Variants in NXPE1 observed in about 807,000 individuals in gnomAD.
NXPE1 encodes neurexophilin and PC-esterase domain family member 1.
A neutral mutation model predicts 33.3 loss-of-function variants in NXPE1; 31 were observed. The observed-to-expected ratio is 0.93, with a 90% CI of 0.70 to 1.26. NXPE1 has a LOEUF of 1.26. NXPE1 is among the 50% of genes most tolerant of loss of function. The pLI is 0.00. For missense variants in NXPE1, 661 were observed against 655.6 expected (o/e 1.01, Z -0.09); for synonymous variants, 229 against 231.4 (o/e 0.99, Z 0.09).
intron 5 of NXPE1, among the ~76,000 whole-genome samples, chr11:114,544,786 G>A (rs1454179400): frequency 1.3e-5 from 2 of 152,226 alleles, no homozygotes; most frequent in Admixed American, 6.5e-5. Context: ...GCAGAGATAA[G>A]CCATAGAGTG....
chr11:114,547,417 A>G (rs369422626), intron 5 of NXPE1, among the ~76,000 whole-genome samples: 12 of 152,348 alleles, frequency 7.9e-5, no homozygotes, highest in East Asian at 7.7e-4. Context: ...AAAAACAAGG[A>G]AAGTCTAAAG....
chr11:114,533,513 G>A (rs944714904), intron 5 of NXPE1, among the ~76,000 whole-genome samples: 3 of 152,206 alleles, frequency 2.0e-5, no homozygotes, highest in East Asian at 1.9e-4. Context: ...AAGCACAAGC[G>A]GTCAGGGAAT....
At chr11:114,559,516 T>C (rs557813) in intron 1 of NXPE1, among the ~76,000 whole-genome samples, 1,906 of 152,314 alleles carry the variant, frequency 0.013, 45 homozygotes, top group African/African-American at 0.043. Context: ...CTGGGGACTT[T>C]TGCTGGTTGG....
chr11:114,550,663 A>G (rs1170801603), intron 5 of NXPE1, among the ~76,000 whole-genome samples: 1 of 152,200 alleles, frequency 6.6e-6, no homozygotes, highest in African/African-American at 2.4e-5. Context: ...TTTGAGCGGG[A>G]AAAACTTTCT....
At chr11:114,555,436 A>C (rs527987090) in intron 1 of NXPE1, among the ~76,000 whole-genome samples, 3 of 152,244 alleles carry the variant, frequency 2.0e-5, no homozygotes, top group Non-Finnish European at 4.4e-5. Context: ...CATGTTGGCC[A>C]GGATGGTCTC....
At position 114,552,887 on chromosome 11, in the gene NXPE1, A is replaced by G. The variant is rs1419493970; in HGVS notation, c.-210-7T>C. The G allele has an allele frequency of 1.0e-6, 1 of 976,812 alleles. No homozygotes were observed. Among genetic ancestry groups the G allele is most frequent in the Non-Finnish European group, 1.2e-6 (1 of 822,124 alleles). 60.5% of individuals were successfully genotyped at this position (976,812 alleles called of 1,614,324 possible). ...TCAGGTAGCACAGAATGCACTGAAA[A>G]TAAGGAGAAGCAGCAAAATTAATGA... On this transcript the variant is annotated splice_region_variant and splice_polypyrimidine_tract_variant and intron_variant, in intron 1 of 8. Coordinates refer to ENST00000534921, the Ensembl canonical transcript of NXPE1.
At chr11:114,542,727 G>A (rs1391588301) in intron 5 of NXPE1, among the ~76,000 whole-genome samples, 1 of 151,982 alleles carries the variant, frequency 6.6e-6, no homozygotes, top group African/African-American at 2.4e-5. Context: ...TTAGAGGGAA[G>A]CAATAGTCAT....
At chr11:114,521,471 T>C (rs1947209701), downstream of NXPE1, among the ~76,000 whole-genome samples, 1 of 152,224 alleles carries the variant, frequency 6.6e-6, no homozygotes, top group South Asian at 2.1e-4. Flanking sequence ...TAACAAGATG[T>C]CCAGGCTCAT....
chr11:114,547,405 T>C (rs1373225107), intron 5 of NXPE1, among the ~76,000 whole-genome samples: 1 of 152,166 alleles, frequency 6.6e-6, no homozygotes, highest in African/African-American at 2.4e-5. Context: ...GTCAATGTCA[T>C]CAAAAACAAG....
exon 9 of NXPE1, chr11:114,522,374 A>C: frequency 6.2e-7 from 1 of 1,614,174 alleles, no homozygotes; most frequent in Non-Finnish European, 8.5e-7. Flanking sequence ...ATGATCTATC[A>C]GAGAGTAGAG....
intron 5 of NXPE1, among the ~76,000 whole-genome samples, chr11:114,533,242 C>G (rs12275658): frequency 6.6e-6 from 1 of 151,930 alleles, no homozygotes; most frequent in Non-Finnish European, 1.5e-5. Context: ...AGCAAGAAGC[C>G]GAATACAAAA....
chr11:114,527,727 G>C, intron 7 of NXPE1, 113 bp downstream of exon 7: 2 of 614,608 alleles, frequency 3.3e-6, no homozygotes, highest in Middle Eastern at 5.3e-4. Flanking sequence ...CAGCATGATT[G>C]ACATCATAGA....
intron 2 of NXPE1, 43 bp downstream of exon 2, chr11:114,552,804 CCTTTT>C: frequency 3.7e-6 from 3 of 812,630 alleles, no homozygotes; most frequent in Non-Finnish European, 4.5e-6. Flanking sequence ...TTCTCAATCT[CCTTTT>C]CATAGATCTT....
At chr11:114,523,044 C>T (rs1437143458) in exon 8 of NXPE1, 11 of 1,613,636 alleles carry the variant, frequency 6.8e-6, no homozygotes, top group Non-Finnish European at 8.5e-6. Context: ...CCACCAGGGA[C>T]AGGAGGCTTC....
intron 5 of NXPE1, among the ~76,000 whole-genome samples, chr11:114,539,484 T>C (rs1947999289): frequency 6.6e-6 from 1 of 152,196 alleles, no homozygotes; most frequent in Non-Finnish European, 1.5e-5. Flanking sequence ...TGGAGGTATT[T>C]TGAAAACTCT....
chr11:114,529,963 G>A (rs896032096), intron 6 of NXPE1: 1 of 521,592 alleles, frequency 1.9e-6, no homozygotes, highest in Non-Finnish European at 3.3e-6. Flanking sequence ...TAGAAGAACG[G>A]TTATAGCAAA....
chr11:114,548,358 T>C (rs1455027985), intron 5 of NXPE1, among the ~76,000 whole-genome samples: 2 of 152,054 alleles, frequency 1.3e-5, no homozygotes, highest in Non-Finnish European at 2.9e-5. Context: ...ATTCTAATAA[T>C]AGAGAATATA....
chr11:114,554,220 C>T lies in NXPE1; in HGVS notation c.-210-1340G>A, dbSNP rs757096413. 3.7e-5 allele frequency: 36 copies of T among 979,242 alleles called. No homozygotes were observed. The South Asian group carries it at 3.8e-4, about 10-fold the overall frequency. The allele number at this position is 979,242 out of a possible 1,614,324, so 60.7% of individuals were successfully genotyped here. On this transcript the variant is annotated intron_variant, in intron 1 of 8. Transcript: ENST00000534921. The stretch of plus-strand genomic sequence containing the variant: ...AACTTGTAGCTGGACATGTGTTAGC[C>T]GAGATACACAACCTTTCCTGGCCTC...
chr11:114,551,528 A>C (rs2135113817), intron 3 of NXPE1, 87 bp from the exon 4 acceptor site: 1 of 505,426 alleles, frequency 2.0e-6, no homozygotes, highest in Admixed American at 5.7e-5. Context: ...TACAATGAGA[A>C]GCAGAAAACT....
Sources: allele counts gnomAD v4.1 joint callset (sites outside exome capture counted in the v4.1 genomes callset), GRCh38; gene constraint gnomAD v4.1.1; transcripts MANE v1.5; gene names NCBI Gene and HGNC (gene_info 2026-07-23, HGNC 2026-07-21).